CSMD1: variants seen among roughly 807,000 people sequenced by gnomAD.
The protein encoded by CSMD1 is CUB and sushi domain-containing protein 1.
A neutral mutation model predicts 417.5 loss-of-function variants in CSMD1; 213 were observed. The observed-to-expected ratio is 0.51, with a 90% confidence interval of 0.46 to 0.57. The LOEUF (loss-of-function observed/expected upper bound fraction) is 0.57, where lower values mean the gene tolerates loss of function less well. Ranked by LOEUF, CSMD1 falls within the 20% of genes least tolerant of loss-of-function variation. The probability of loss-of-function intolerance (pLI) is 0.00; values close to 1 mark genes in which losing one functional copy is unlikely to be tolerated. For synonymous variants in CSMD1, 2,862 were observed against 1,736.8 expected (o/e 1.65, Z -16.11); for missense variants, 6,923 against 4,529.7 (o/e 1.53, Z -15.17).
rs190052080 is a variant in CSMD1 at position 4,965,946 on chromosome 8, A to T, written c.85+28386T>A. Among the ~76,000 whole-genome samples, 87 of 152,290 alleles carry T rather than the reference A, an allele frequency of 5.7e-4. 1 individual carries two copies. Among genetic ancestry groups the T allele is most frequent in the Non-Finnish European group, 7.4e-5 (5 of 68,022 alleles). ...TGTAATTTGAGAATGATCTCTCAAC[A>T]TGTGTGAGCATAACTCAAGTTTACA... On this transcript the variant is annotated intron_variant, in intron 1 of 69. Coordinates refer to ENST00000635120, the MANE Select transcript of CSMD1 (RefSeq NM_033225.6).
chr8:3,824,729 T>C (rs1431079822), intron 5 of CSMD1, among the ~76,000 whole-genome samples: 2 of 152,206 alleles, frequency 1.3e-5, no homozygotes, highest in Non-Finnish European at 2.9e-5. Context: ...ATTTGGCTAC[T>C]AGAGAATTAA....
chr8:4,446,743 G>A (rs1018616603), intron 2 of CSMD1, among the ~76,000 whole-genome samples: 1 of 117,226 alleles, frequency 8.5e-6, no homozygotes, highest in African/African-American at 3.8e-5. Context: ...CTGTGTGTGT[G>A]TGTGTGTGTG....
chr8:3,891,189 G>C (rs911892824), intron 5 of CSMD1, among the ~76,000 whole-genome samples: 7 of 151,990 alleles, frequency 4.6e-5, no homozygotes, highest in African/African-American at 1.2e-4. Flanking sequence ...GGGACCACAG[G>C]CATGTGCCAT....
At chr8:3,674,705 G>A (rs1430716015) in intron 7 of CSMD1, among the ~76,000 whole-genome samples, 1 of 152,086 alleles carries the variant, frequency 6.6e-6, no homozygotes, top group Non-Finnish European at 1.5e-5. Flanking sequence ...AATGAGATGA[G>A]AGCCCCAGTC....
intron 3 of CSMD1, among the ~76,000 whole-genome samples, chr8:4,270,536 T>G (rs1415531561): frequency 6.6e-6 from 1 of 152,076 alleles, no homozygotes; most frequent in East Asian, 1.9e-4. Context: ...TATCCAGCTG[T>G]GACTAGTACA....
At chr8:3,428,675 T>C (rs1814011450) in intron 12 of CSMD1, among the ~76,000 whole-genome samples, 1 of 151,960 alleles carries the variant, frequency 6.6e-6, no homozygotes, top group Non-Finnish European at 1.5e-5. Flanking sequence ...AAAAGAACTA[T>C]CATATGATCC....
At chr8:3,174,785 C>G (rs1248762820) in intron 37 of CSMD1, among the ~76,000 whole-genome samples, 1 of 151,950 alleles carries the variant, frequency 6.6e-6, no homozygotes, top group Non-Finnish European at 1.5e-5. Flanking sequence ...GTTGGGCTGC[C>G]TTTAAAATTT....
At position 3,108,611 on chromosome 8, in the gene CSMD1, T is replaced by C; in HGVS notation, c.6746A>G (p.Asn2249Ser). The change falls in exon 44 of 70, where the codon AAT becomes AGT. Residue 2249 changes from asparagine to serine, a missense_variant. By Grantham distance (46) the Asn-to-Ser change is conservative. Transcript: ENST00000635120. Reference protein sequence around the residue: ...DFSNGGFFVLNFHAFQLKKCQ... With the variant: ...DFSNGGFFVLSFHAFQLKKCQ... ...AGTGAAAATCAACTGACCGTGGAAA[T>C]TGAGGACAAAGAAGCCTCCATTTGA... 4 of 1,613,770 alleles carry C rather than the reference T, an allele frequency of 2.5e-6. 1 individual carries two copies. Among genetic ancestry groups the C allele is most frequent in the Non-Finnish European group, 8.5e-7 (1 of 1,179,834 alleles).
At chr8:4,599,364 A>T (rs12676966) in intron 2 of CSMD1, among the ~76,000 whole-genome samples, 59,393 of 149,274 alleles carry the variant, frequency 0.4, 13,067 homozygotes, top group East Asian at 0.51. Context: ...CCCTGGAAGA[A>T]TTTTTTTTTT....
At chr8:4,164,895 A>T (rs1189357544) in intron 3 of CSMD1, among the ~76,000 whole-genome samples, 1 of 150,518 alleles carries the variant, frequency 6.6e-6, no homozygotes, top group Admixed American at 6.6e-5. Context: ...AAAAAAATAT[A>T]TATATATGTA....
intron 3 of CSMD1, among the ~76,000 whole-genome samples, chr8:4,395,843 G>A (rs1804169320): frequency 1.3e-5 from 2 of 152,140 alleles, no homozygotes; most frequent in African/African-American, 4.8e-5. Flanking sequence ...CTTAGAAAAT[G>A]ATAGCATGAA....
intron 5 of CSMD1, among the ~76,000 whole-genome samples, chr8:3,817,340 G>C (rs1801442911): frequency 7.6e-6 from 1 of 130,920 alleles, no homozygotes; most frequent in African/African-American, 2.9e-5. Context: ...GAGTACAGTG[G>C]CGGGATCTTG....
At chr8:4,716,384 G>C (rs532560470) in intron 1 of CSMD1, among the ~76,000 whole-genome samples, 31 of 152,286 alleles carry the variant, frequency 2.0e-4, no homozygotes, top group Non-Finnish European at 3.4e-4. Context: ...GAATTTGGAA[G>C]GCCAACACAA....
chr8:3,310,621 AC>A (rs1263858769), intron 23 of CSMD1, among the ~76,000 whole-genome samples: 3 of 152,216 alleles, frequency 2.0e-5, no homozygotes, highest in Non-Finnish European at 4.4e-5. Context: ...GGTGTAAAAA[AC>A]TTTTGAGTTC....
chr8:3,768,680 G>A (rs956046488), intron 5 of CSMD1, among the ~76,000 whole-genome samples: 1 of 152,230 alleles, frequency 6.6e-6, no homozygotes, highest in South Asian at 2.1e-4. Flanking sequence ...TTGTGTTATT[G>A]CTCCTTTCCA....
chr8:3,617,211 T>C (rs938132553), intron 7 of CSMD1, among the ~76,000 whole-genome samples: 4 of 152,234 alleles, frequency 2.6e-5, no homozygotes, highest in Non-Finnish European at 4.4e-5. Flanking sequence ...TACTAACTTC[T>C]ATACAAAAGA....
intron 3 of CSMD1, among the ~76,000 whole-genome samples, chr8:4,364,871 A>AAAAAAAAAAAAAC: frequency 6.7e-6 from 1 of 148,902 alleles, no homozygotes; most frequent in Non-Finnish European, 1.5e-5. Flanking sequence ...AAAAAAAAAA[A>AAAAAAAAAAAAAC]AGATAATCAA....
Position 4,699,146 on chromosome 8 carries a change from G to T in CSMD1, c.86-61588C>A, listed in dbSNP as rs183939607. Among the ~76,000 whole-genome samples, 13 of 152,194 alleles carry T rather than the reference G, an allele frequency of 8.5e-5. No individual in the cohort carries two copies. In the East Asian group the frequency reaches 2.5e-3, roughly 29 times the overall value. On this transcript the variant is annotated intron_variant, in intron 1 of 69. Transcript: ENST00000635120. ...ATTTACTTGGATGATGCCAGATTTG[G>T]AACAATTAATTCCGTGTTTCACTCT... is the stretch of plus-strand genomic sequence containing the variant.
intron 1 of CSMD1, among the ~76,000 whole-genome samples, chr8:4,931,348 G>C (rs967655958): frequency 1.2e-4 from 18 of 152,172 alleles, no homozygotes; most frequent in African/African-American, 4.3e-4. Flanking sequence ...CCATCCCTTT[G>C]ATATTAGGCA....
Sources: gnomAD v4.1 joint callset for allele counts (sites outside exome capture counted in the v4.1 genomes callset) on GRCh38, gnomAD v4.1.1 for gene constraint, MANE v1.5 for transcripts, NCBI Gene and HGNC (gene_info 2026-07-23, HGNC 2026-07-21) for gene names.